Variants in MED23 observed in about 807,000 individuals in gnomAD.
The protein encoded by MED23 is mediator complex subunit 23, also known as mediator of RNA polymerase II transcription subunit 23.
A neutral mutation model predicts 163.9 loss-of-function variants in MED23; 105 were observed. The ratio of observed to expected loss-of-function variants is 0.64; its 90% CI spans 0.55 to 0.75. The LOEUF (loss-of-function observed/expected upper bound fraction) is 0.75, where lower values mean the gene tolerates loss of function less well. MED23 is among the 30% of genes least tolerant of loss of function. The pLI, the probability that MED23 is intolerant of heterozygous loss-of-function variation, is 0.00. For missense variants in MED23, 1,054 were observed against 1,649.0 expected (o/e 0.64, Z 6.25); for synonymous variants, 561 against 565.6 (o/e 0.99, Z 0.12).
chr6:131,615,184 G>A (rs1446174123), intron 10 of MED23: 14 of 739,148 alleles, frequency 1.9e-5, no homozygotes, highest in Non-Finnish European at 2.8e-5. Flanking sequence ...AGAAGAAATC[G>A]TTTTTTAGTG....
chr6:131,617,231 G>T (rs1776755919), intron 9 of MED23, among the ~76,000 whole-genome samples: 1 of 150,402 alleles, frequency 6.6e-6, no homozygotes. Context: ...TTCTATCTGT[G>T]TCGCTGGGGA....
chr6:131,627,456 C>G lies in MED23; in HGVS notation c.99G>C (p.Glu33Asp). The change falls in exon 3 of 29, where the codon GAG becomes GAC. Residue 33 changes from glutamate (E) to aspartate (D), a missense_variant. Physicochemically the swap from Glu to Asp is conservative, Grantham distance 45. Coordinates refer to ENST00000368068, the MANE Select transcript of MED23 (RefSeq NM_004830.4). ...CCAAACAGCTAATTAGTTTTGTTTT[C>G]TCATCTTCAGGAGTATCCATAAACA... ...PGMFMDTPED[E>D]KTKLISCLGA... The G allele has an allele frequency of 1.2e-6, 2 of 1,613,412 alleles. No individual in the cohort carries two copies. The highest frequency in any genetic ancestry group is 1.7e-6 in the Non-Finnish European group (2 of 1,179,824).
In MED23 at chr6:131,621,375, T is replaced by A. The variant is rs531884740; in HGVS notation, c.495+506A>T. ...TACACACACACAGACAATTGCTACTTGTCAATTAAAATAAAATATAGAGAT... is the reference window on the plus strand; with the variant it reads ...TACACACACACAGACAATTGCTACTAGTCAATTAAAATAAAATATAGAGAT... On this transcript the variant is annotated intron_variant, in intron 6 of 28. Transcript: ENST00000368068. Among the ~76,000 whole-genome samples, 14 of 152,004 alleles carry A rather than the reference T, an allele frequency of 9.2e-5. 1 individual carries two copies. The highest frequency in any genetic ancestry group is 1.8e-4 in the Non-Finnish European group (12 of 67,996).
At chr6:131,583,266 T>C (rs951888921), downstream of MED23, 1 of 1,605,640 alleles carries the variant, frequency 6.2e-7, no homozygotes, top group Non-Finnish European at 8.5e-7. Context: ...AATGGGTTGC[T>C]ACTTTTTATA....
chr6:131,583,873 C>T (rs763958621), downstream of MED23: 7 of 1,614,104 alleles, frequency 4.3e-6, no homozygotes, highest in Middle Eastern at 1.7e-4. Context: ...GGAGGGTAAT[C>T]ACAAGCCTAT....
Position 131,591,774 on chromosome 6 carries a change from T to C in MED23, c.3472-247A>G, listed in dbSNP as rs1054710801. On this transcript the variant is annotated intron_variant, in intron 25 of 28. Coordinates refer to ENST00000368068, the MANE Select transcript of MED23 (RefSeq NM_004830.4). Reference sequence around the variant, plus strand: ...TAGGTACCTGATATACACTATGCAGTAAATCAATTAATTTATCAAACAATA... The same window carrying C: ...TAGGTACCTGATATACACTATGCAGCAAATCAATTAATTTATCAAACAATA... The C allele has an allele frequency of 1.7e-5, 9 of 516,052 alleles. No homozygotes were observed. In the South Asian group the frequency reaches 2.1e-4, roughly 12 times the overall value. The allele number at this position is 516,052 out of a possible 1,614,324, so 32.0% of individuals were successfully genotyped here.
chr6:131,625,850 C>T (rs972690965), intron 3 of MED23, among the ~76,000 whole-genome samples: 6 of 151,904 alleles, frequency 3.9e-5, no homozygotes, highest in Non-Finnish European at 7.4e-5. Context: ...CAGCCGGGCG[C>T]GGTGGCTCAT....
Position 131,587,677 on chromosome 6 carries a change from C to A in MED23, c.*2G>T. 6.2e-7 allele frequency: 1 copy of A among 1,614,118 alleles called. No homozygotes were observed. The highest frequency in any genetic ancestry group is 8.5e-7 in the Non-Finnish European group (1 of 1,179,982). ...CTACTTTCTCCACAGTACAGTCTGGCTTCACTGAGTTACTGGTAAAGACAC... is the reference window on the plus strand; with the variant it reads ...CTACTTTCTCCACAGTACAGTCTGGATTCACTGAGTTACTGGTAAAGACAC... On this transcript the variant is annotated 3_prime_UTR_variant, in exon 29 of 29. Coordinates refer to ENST00000368068, the MANE Select transcript of MED23 (RefSeq NM_004830.4).
chr6:131,615,503 CAAAAAA>C (rs917020235), intron 10 of MED23, among the ~76,000 whole-genome samples: 2 of 14,148 alleles, frequency 1.4e-4, no homozygotes, highest in Admixed American at 1.1e-3. Flanking sequence ...AAACACACAC[CAAAAAA>C]AAAAAAAAAA....
chr6:131,581,399 C>T (rs373590467), intron 30 of MED23: 2 of 1,605,498 alleles, frequency 1.2e-6, no homozygotes, highest in Non-Finnish European at 1.7e-6. Context: ...GGTTGGTACT[C>T]TAGTGCAATA....
chr6:131,598,506 A>G lies in MED23; in HGVS notation c.2427-39T>C, dbSNP rs1410503986. 5.6e-6 allele frequency: 9 copies of G among 1,613,762 alleles called. No individual in the cohort carries two copies. The highest frequency in any genetic ancestry group is 7.6e-6 in the Non-Finnish European group (9 of 1,179,814). On this transcript the variant is annotated intron_variant, in intron 19 of 28. Coordinates refer to ENST00000368068, the MANE Select transcript of MED23 (RefSeq NM_004830.4). The surrounding 1 kb of genome is among the most constrained non-coding windows in gnomAD (Gnocchi z 4.7). ...AGTAAAACATAAACTCCATTGTTGT[A>G]TGGATACAACAATTTGCCAAATGGA...
At chr6:131,592,960 T>G in intron 24 of MED23, 46 bp downstream of exon 24, 1 of 1,608,680 alleles carries the variant, frequency 6.2e-7, no homozygotes, top group East Asian at 2.2e-5. Flanking sequence ...TACCATTCTA[T>G]TTACAAATAA....
At chr6:131,595,775 T>C (rs1430003640) in intron 22 of MED23, among the ~76,000 whole-genome samples, 172 bp downstream of exon 22, 2 of 152,206 alleles carry the variant, frequency 1.3e-5, no homozygotes, top group African/African-American at 4.8e-5. Flanking sequence ...TTTATATTTT[T>C]ATGTTGTATA....
intron 11 of MED23, among the ~76,000 whole-genome samples, 164 bp downstream of exon 11, chr6:131,609,882 T>C (rs1219171741): frequency 6.6e-6 from 1 of 151,672 alleles, no homozygotes; most frequent in East Asian, 1.9e-4. Flanking sequence ...GTTTTTACAG[T>C]GACAAGAAAG....
intron 30 of MED23, among the ~76,000 whole-genome samples, chr6:131,575,288 C>T (rs1773559848): frequency 6.6e-6 from 1 of 152,018 alleles, no homozygotes; most frequent in Admixed American, 6.6e-5. Flanking sequence ...CTCTACACTA[C>T]AAAATATAGT....
intron 2 of MED23, 52 bp downstream of exon 2, chr6:131,627,589 C>G (rs377230038): frequency 6.2e-7 from 1 of 1,607,132 alleles, no homozygotes; most frequent in African/African-American, 1.3e-5. Flanking sequence ...TAAGTAAAAT[C>G]TGACAGACAC....
chr6:131,584,070 A>G (rs1372612653), downstream of MED23: 3 of 814,550 alleles, frequency 3.7e-6, no homozygotes, highest in Non-Finnish European at 3.7e-6. Flanking sequence ...AAAATTCAAG[A>G]TGTGGAAATT....
intron 4 of MED23, among the ~76,000 whole-genome samples, chr6:131,624,148 C>T (rs1777315931): frequency 6.6e-6 from 1 of 152,166 alleles, no homozygotes; most frequent in African/African-American, 2.4e-5. Context: ...GATCCCACAT[C>T]TTCTTCTGAA....
intron 26 of MED23, 149 bp from the exon 27 acceptor site, chr6:131,590,591 C>T (rs1434597341): frequency 1.9e-6 from 1 of 531,840 alleles, no homozygotes; most frequent in Non-Finnish European, 3.3e-6. Context: ...TAATTAATCT[C>T]ACATCTCTCA....
Sources: allele counts gnomAD v4.1 joint callset (sites outside exome capture counted in the v4.1 genomes callset), GRCh38; gene constraint gnomAD v4.1.1; non-coding constraint Gnocchi (gnomAD v3.1); transcripts MANE v1.5; gene names NCBI Gene and HGNC (gene_info 2026-07-23, HGNC 2026-07-21).